Variants in SLC26A4 observed in about 807,000 individuals in gnomAD.
SLC26A4 encodes the protein solute carrier family 26 member 4.
In SLC26A4, 93 loss-of-function variants were observed where a neutral mutation model predicts 90.4. That is an observed-to-expected ratio of 1.03 (90% CI 0.87 to 1.22). The LOEUF (loss-of-function observed/expected upper bound fraction) is 1.22. Ranked by LOEUF, SLC26A4 falls within the 50% of genes most tolerant of loss-of-function variation. SLC26A4 has a pLI of 0.00. For synonymous variants in SLC26A4, 393 were observed against 354.6 expected, an observed-to-expected ratio of 1.11 and a Z score of -1.22; for missense variants, 1,127 against 946.2, an observed-to-expected ratio of 1.19 and a Z score of -2.51.
intron 6 of SLC26A4, 44 bp from the exon 7 acceptor site, chr7:107,683,158 G>T (rs1337322134): frequency 6.7e-7 from 1 of 1,488,044 alleles, no homozygotes; most frequent in South Asian, 1.1e-5. Flanking sequence ...GTGCTCGTGT[G>T]CGTGTAGCAG....
intron 2 of SLC26A4, chr7:107,662,024 C>G: frequency 1.7e-6 from 1 of 593,506 alleles, no homozygotes; most frequent in South Asian, 2.1e-5. Flanking sequence ...ATGAACTTAC[C>G]TGGGAAACTC....
intron 6 of SLC26A4, among the ~76,000 whole-genome samples, chr7:107,679,944 T>A (rs1460373089): frequency 2.2e-5 from 3 of 139,048 alleles, no homozygotes; most frequent in African/African-American, 2.6e-5. Flanking sequence ...TATATAATCT[T>A]ATCTTATATA....
intron 6 of SLC26A4, among the ~76,000 whole-genome samples, chr7:107,675,924 G>T (rs1584308850): frequency 1.3e-5 from 2 of 152,074 alleles, no homozygotes; most frequent in Non-Finnish European, 1.5e-5. Context: ...GAAAACATTT[G>T]GTTGCTTCTG....
chr7:107,691,300 G>A (rs1160556086), intron 10 of SLC26A4, among the ~76,000 whole-genome samples: 1 of 151,930 alleles, frequency 6.6e-6, no homozygotes, highest in Non-Finnish European at 1.5e-5. Flanking sequence ...TCAGGAGTTC[G>A]AGACTAACAT....
intron 6 of SLC26A4, among the ~76,000 whole-genome samples, chr7:107,679,867 A>ATTT (rs1417251062): frequency 1.4e-4 from 8 of 56,886 alleles, no homozygotes; most frequent in Non-Finnish European, 2.1e-4. Context: ...ATATTATATA[A>ATTT]TCTTATATTA....
At chr7:107,676,382 A>G (rs776419272) in intron 6 of SLC26A4, among the ~76,000 whole-genome samples, 2 of 152,230 alleles carry the variant, frequency 1.3e-5, no homozygotes, top group South Asian at 2.1e-4. Flanking sequence ...TTTTCTAACC[A>G]TAAGAGTCCG....
intron 6 of SLC26A4, among the ~76,000 whole-genome samples, chr7:107,675,871 C>T (rs1431677234): frequency 6.6e-6 from 1 of 150,858 alleles, no homozygotes; most frequent in Non-Finnish European, 1.5e-5. Flanking sequence ...CGCGCCCGGC[C>T]TGGGAGCACC....
chr7:107,683,154 G>A lies in SLC26A4; in HGVS notation c.766-48G>A, dbSNP rs10261745. ...TGTGTGTGTGCGTGTGTGTGTGCTC[G>A]TGTGCGTGTAGCAGCAGGAAGTATA... On this transcript the variant is annotated intron_variant, in intron 6 of 20. Coordinates refer to ENST00000644269, the MANE Select transcript of SLC26A4 (RefSeq NM_000441.2). 3.0e-3 allele frequency: 4,301 copies of A among 1,437,180 alleles called. 95 individuals are homozygous for A. The African/African-American group carries it at 0.048, about 16-fold the overall frequency. 89.0% of individuals were successfully genotyped at this position (1,437,180 alleles called of 1,614,324 possible).
Position 107,674,894 on chromosome 7 carries a change from G to T in SLC26A4, c.601-51G>T, listed in dbSNP as rs1201163163. The T allele has an allele frequency of 1.9e-6, 3 of 1,550,474 alleles. No homozygotes were observed. The South Asian group carries it at 3.3e-5, about 17-fold the overall frequency. The stretch of plus-strand genomic sequence containing the variant: ...TTGATGTAATATTTCCAGAGAGTAG[G>T]TTTCTATCTCAGGCAAACATTTAAT... On this transcript the variant is annotated intron_variant, in intron 5 of 20. Coordinates refer to ENST00000644269, the MANE Select transcript of SLC26A4 (RefSeq NM_000441.2).
At chr7:107,664,615 T>C (rs1373169175) in intron 3 of SLC26A4, among the ~76,000 whole-genome samples, 2 of 152,246 alleles carry the variant, frequency 1.3e-5, no homozygotes, top group East Asian at 1.9e-4. Context: ...TCCACATGAA[T>C]GTTTTGCCTG....
At chr7:107,697,555 G>C (rs941947655) in intron 13 of SLC26A4, among the ~76,000 whole-genome samples, 1 of 152,170 alleles carries the variant, frequency 6.6e-6, no homozygotes, top group Non-Finnish European at 1.5e-5. Flanking sequence ...TGGTCCTCCA[G>C]TCTCCTATTT....
intron 10 of SLC26A4, among the ~76,000 whole-genome samples, chr7:107,691,512 T>TACACACACACACACACAC (rs760010561): frequency 5.0e-4 from 55 of 110,520 alleles, no homozygotes; most frequent in Non-Finnish European, 7.3e-4. Flanking sequence ...CAAATATATA[T>TACACACACACACACACAC]ATACACACAC....
In SLC26A4 at chr7:107,701,158, C is replaced by A; in HGVS notation, c.1765C>A (p.Gln589Lys). 1.2e-6 allele frequency: 2 copies of A among 1,609,774 alleles called. No homozygotes were observed. The highest frequency in any genetic ancestry group is 1.7e-6 in the Non-Finnish European group (2 of 1,176,120). ...NKRLKALRKIQKLIKSGQLRA... is the reference protein window; with the variant it reads ...NKRLKALRKIKKLIKSGQLRA... ...GAGGCTGAAAGCGCTGAGGAAAATA[C>A]AGAAACTAATAAAAAGTGGACAATT... The change falls in exon 16 of 21, where the codon CAG (glutamine) becomes AAG (lysine). Residue 589 changes from glutamine (Q) to lysine (K), a missense_variant. Gln to Lys is a moderately conservative substitution (Grantham distance 53). Coordinates refer to ENST00000644269, the MANE Select transcript of SLC26A4 (RefSeq NM_000441.2).
chr7:107,698,710 T>C (rs1046669541), intron 14 of SLC26A4, among the ~76,000 whole-genome samples: 1 of 152,244 alleles, frequency 6.6e-6, no homozygotes, highest in East Asian at 1.9e-4. Context: ...GTTTATCTGG[T>C]ATATAATTCT....
At chr7:107,705,003 C>T (rs948293040) in intron 18 of SLC26A4, among the ~76,000 whole-genome samples, 1 of 152,148 alleles carries the variant, frequency 6.6e-6, no homozygotes, top group African/African-American at 2.4e-5. Context: ...TACTATGTGC[C>T]TGTGCCTTGC....
intron 3 of SLC26A4, among the ~76,000 whole-genome samples, chr7:107,671,627 C>G (rs1790869140): frequency 6.6e-6 from 1 of 152,166 alleles, no homozygotes; most frequent in South Asian, 2.1e-4. Flanking sequence ...CATAGCCAGT[C>G]TGTATGCAAG....
At chr7:107,666,765 G>C (rs977139639) in intron 3 of SLC26A4, among the ~76,000 whole-genome samples, 3 of 152,112 alleles carry the variant, frequency 2.0e-5, no homozygotes, top group African/African-American at 7.2e-5. Context: ...AATAAACTGA[G>C]GCAGGACTGG....
intron 8 of SLC26A4, 95 bp from the exon 9 acceptor site, chr7:107,688,958 C>T: frequency 7.8e-7 from 1 of 1,279,300 alleles, no homozygotes; most frequent in South Asian, 1.2e-5. Flanking sequence ...ACTTTCATGT[C>T]TAATATGTGA....
At chr7:107,663,172 G>C in intron 2 of SLC26A4, 124 bp from the exon 3 acceptor site, 1 of 1,131,542 alleles carries the variant, frequency 8.8e-7, no homozygotes, top group South Asian at 1.3e-5. Context: ...TATTTTCCAG[G>C]AAATACTTAT....
Sources: allele counts gnomAD v4.1 joint callset (sites outside exome capture counted in the v4.1 genomes callset), GRCh38; gene constraint gnomAD v4.1.1; transcripts MANE v1.5; gene names NCBI Gene and HGNC (gene_info 2026-07-23, HGNC 2026-07-21).